RBM20: variants seen among roughly 807,000 people sequenced by gnomAD.
RBM20 encodes the protein RNA binding motif protein 20.
Under a neutral mutation model 110.1 loss-of-function variants are expected in RBM20, and 51 were observed. The observed-to-expected ratio is 0.46, with a 90% CI of 0.37 to 0.59. RBM20 has a LOEUF of 0.59. Among genes scored for constraint, RBM20 ranks in the 20% least tolerant of loss-of-function variants. RBM20 has a pLI of 0.00. For missense variants in RBM20, 1,512 were observed against 1,574.9 expected (o/e 0.96, Z 0.68); for synonymous variants, 589 against 618.2 (o/e 0.95, Z 0.70).
intron 1 of RBM20, among the ~76,000 whole-genome samples, chr10:110,709,190 A>T (rs992035541): frequency 3.3e-5 from 5 of 152,246 alleles, no homozygotes; most frequent in Admixed American, 6.5e-5. Context: ...TTGGATTCTA[A>T]ACCCTTGTTG....
intron 1 of RBM20, among the ~76,000 whole-genome samples, chr10:110,778,005 A>G (rs1003328984): frequency 1.3e-5 from 2 of 152,232 alleles, no homozygotes; most frequent in Non-Finnish European, 2.9e-5. Context: ...AAAATCTATC[A>G]TCAGACTCTT....
chr10:110,736,875 C>T (rs1040676779), intron 1 of RBM20, among the ~76,000 whole-genome samples: 9 of 151,928 alleles, frequency 5.9e-5, no homozygotes, highest in African/African-American at 1.9e-4. Context: ...GGGATTAGTG[C>T]TCTTATAAAA....
intron 1 of RBM20, among the ~76,000 whole-genome samples, chr10:110,773,492 A>T (rs966735753): frequency 1.3e-5 from 2 of 152,206 alleles, no homozygotes; most frequent in Non-Finnish European, 2.9e-5. Flanking sequence ...GTATTTTAAA[A>T]TTTTCAAAAA....
At chr10:110,783,215 GGA>G in intron 2 of RBM20, 149 bp from the exon 3 acceptor site, 1 of 613,386 alleles carries the variant, frequency 1.6e-6, no homozygotes, top group Non-Finnish European at 3.1e-6. Flanking sequence ...AGCCTGGGAG[GGA>G]GAGAGGAAGG....
intron 1 of RBM20, among the ~76,000 whole-genome samples, chr10:110,717,587 C>T (rs1259108840): frequency 5.3e-5 from 8 of 152,112 alleles, no homozygotes; most frequent in Non-Finnish European, 1.2e-4. Context: ...GTGTCTCCCA[C>T]CTGATTTGAA....
At chr10:110,703,884 GGTGGA>G (rs1465259719) in intron 1 of RBM20, among the ~76,000 whole-genome samples, 11 of 152,190 alleles carry the variant, frequency 7.2e-5, no homozygotes, top group Non-Finnish European at 1.6e-4. Context: ...GGCCACGGTG[GGTGGA>G]TCACTTGAGG....
intron 1 of RBM20, among the ~76,000 whole-genome samples, chr10:110,766,420 A>G (rs1413485394): frequency 6.6e-6 from 1 of 152,046 alleles, no homozygotes; most frequent in African/African-American, 2.4e-5. Flanking sequence ...GAAGGTCAGC[A>G]GATAAACAAG....
chr10:110,712,652 A>G (rs1488506992), intron 1 of RBM20, among the ~76,000 whole-genome samples: 1 of 152,180 alleles, frequency 6.6e-6, no homozygotes, highest in Non-Finnish European at 1.5e-5. Context: ...CTTTAATCCC[A>G]GCTACTCGGG....
At chr10:110,645,753 G>A (rs1255053674) in intron 1 of RBM20, among the ~76,000 whole-genome samples, 1 of 152,176 alleles carries the variant, frequency 6.6e-6, no homozygotes, top group African/African-American at 2.4e-5. Context: ...ATTAGAAAAC[G>A]CTGGTATCAT....
At position 110,781,238 on chromosome 10, in the gene RBM20, C is replaced by T. The variant is rs1564843906; in HGVS notation, c.629C>T (p.Pro210Leu). The T allele has an allele frequency of 1.3e-6, 2 of 1,551,568 alleles. No homozygotes were observed. The highest frequency in any genetic ancestry group is 1.7e-6 in the Non-Finnish European group (2 of 1,147,016). Residue 210 changes from proline to leucine, a missense_variant, in exon 2 of 14, where the codon CCA (proline) becomes CTA (leucine). Pro to Leu is a moderately conservative substitution (Grantham distance 98). This residue lies in a region of RBM20 where 1,149 missense variants were observed against 1,169.4 expected (regional missense o/e 0.98). Transcript: ENST00000369519. ...GTAATGCCTCAGACCCCTGGCCAGC[C>T]AGCAGTCATCTTGGGCATTGGCAAG... ...TGVMPQTPGQPAVILGIGKTG... is the reference protein window; with the variant it reads ...TGVMPQTPGQLAVILGIGKTG...
chr10:110,835,758 C>A (rs1188756100), intron 13 of RBM20, 110 bp from the exon 14 acceptor site: 3 of 1,133,068 alleles, frequency 2.6e-6, no homozygotes, highest in South Asian at 1.6e-5. Context: ...ACCCCCACAG[C>A]TGGGCACAGA....
intron 7 of RBM20, among the ~76,000 whole-genome samples, chr10:110,808,884 G>A (rs1844727660): frequency 1.3e-5 from 2 of 152,100 alleles, no homozygotes; most frequent in South Asian, 4.1e-4. Flanking sequence ...TCTGTCAAAT[G>A]AGATACGTGA....
At chr10:110,651,059 C>A (rs1861939210) in intron 1 of RBM20, among the ~76,000 whole-genome samples, 1 of 152,184 alleles carries the variant, frequency 6.6e-6, no homozygotes, top group South Asian at 2.1e-4. Flanking sequence ...GCCAATTAAC[C>A]TTTCTAATCT....
chr10:110,702,423 C>T (rs1445738282), intron 1 of RBM20, among the ~76,000 whole-genome samples: 2 of 152,168 alleles, frequency 1.3e-5, no homozygotes, highest in Non-Finnish European at 1.5e-5. Flanking sequence ...GTAGTCCCAG[C>T]TAGTCTGGAG....
rs577194741 is a variant in RBM20, at chr10:110,810,397, C to G, written c.1815C>G (p.Ala605=). The change falls in exon 8 of 14, where the codon GCC becomes GCG. Residue 605 remains alanine, a synonymous_variant. Coordinates refer to ENST00000369519, the MANE Select transcript of RBM20 (RefSeq NM_001134363.3). Reference sequence around the variant, plus strand: ...GACTTTGCTAGAAACCCGGGAAGGCCGTGGCTGCCATCATCCAGGACATCC... The same window carrying G: ...GACTTTGCTAGAAACCCGGGAAGGCGGTGGCTGCCATCATCCAGGACATCC... ...KELQLKKPGK[A]VAAIIQDIHS... is the part of the protein sequence containing the mutation. 4.5e-6 allele frequency: 7 copies of G among 1,551,342 alleles called. No individual in the cohort carries two copies. Among genetic ancestry groups the G allele is most frequent in the African/African-American group, 4.1e-5 (3 of 73,028 alleles).
At chr10:110,831,782 TACTGGA>T (rs1564668322) in intron 13 of RBM20, among the ~76,000 whole-genome samples, 1 of 151,770 alleles carries the variant, frequency 6.6e-6, no homozygotes, top group Non-Finnish European at 1.5e-5. Context: ...GGACCAGGGA[TACTGGA>T]ACAACAACAG....
chr10:110,644,373 C>T lies in RBM20; in HGVS notation c.-82C>T, dbSNP rs1564804040. The stretch of plus-strand genomic sequence containing the variant: ...AGGACAAGGGGACTGGGCACGGGGA[C>T]CCCGGCCAGTGAGCGCCCGTGGCCC... On this transcript the variant is annotated 5_prime_UTR_variant, in exon 1 of 14. Coordinates refer to ENST00000369519, the MANE Select transcript of RBM20 (RefSeq NM_001134363.3). The surrounding 1 kb of genome is among the most constrained non-coding windows in gnomAD (Gnocchi z 4.3). 1.4e-5 allele frequency: 16 copies of T among 1,185,064 alleles called. No individual in the cohort carries two copies. Among genetic ancestry groups the T allele is most frequent in the South Asian group, 4.0e-5 (2 of 50,578 alleles). 73.4% of individuals were successfully genotyped at this position (1,185,064 alleles called of 1,614,324 possible).
intron 1 of RBM20, among the ~76,000 whole-genome samples, chr10:110,649,817 G>A (rs1215962154): frequency 6.6e-6 from 1 of 152,052 alleles, no homozygotes; most frequent in East Asian, 1.9e-4. Context: ...AGGAGCACAC[G>A]GCAGTTCCCT....
chr10:110,738,623 G>T (rs771447324), intron 1 of RBM20, among the ~76,000 whole-genome samples: 1 of 152,146 alleles, frequency 6.6e-6, no homozygotes, highest in East Asian at 1.9e-4. Flanking sequence ...CTGGGCTGGG[G>T]GAGAGGGTGG....
Sources: gnomAD v4.1 joint callset for allele counts (sites outside exome capture counted in the v4.1 genomes callset) on GRCh38, gnomAD v4.1.1 for gene constraint, gnomAD v4.1.1 regional missense constraint, Gnocchi (gnomAD v3.1) non-coding constraint, MANE v1.5 for transcripts, NCBI Gene and HGNC (gene_info 2026-07-23, HGNC 2026-07-21) for gene names.